Variants in CASR observed in about 807,000 individuals in gnomAD.
CASR encodes calcium sensing receptor.
CASR carries 23 observed loss-of-function variants against 69.1 expected under a neutral mutation model. The ratio of observed to expected loss-of-function variants is 0.33; its 90% confidence interval spans 0.24 to 0.47. CASR has a LOEUF of 0.47. CASR is among the 20% of genes least tolerant of loss of function. The pLI, the probability that CASR is intolerant of heterozygous loss-of-function variation, is 1.00. For missense variants in CASR, 924 were observed against 1,356.1 expected, an observed-to-expected ratio of 0.68 and a Z score of 5.00; for synonymous variants, 541 against 544.7, an observed-to-expected ratio of 0.99 and a Z score of 0.10.
At position 122,264,889 on chromosome 3, in the gene CASR, G is replaced by A. The variant is rs113573323; in HGVS notation, c.1377+2477G>A. 6.0e-4 allele frequency among the ~76,000 whole-genome samples: 91 copies of A among 152,260 alleles called. 1 individual carries two copies. Among genetic ancestry groups the A allele is most frequent in the Non-Finnish European group, 9.7e-4 (66 of 68,018 alleles). ...CATTCTCAATATTAAGATCTATATG[G>A]AAACTTATCACCTATAATCTAATCC... On this transcript the variant is annotated intron_variant, in intron 4 of 6. Coordinates refer to ENST00000639785, the MANE Select transcript of CASR (RefSeq NM_000388.4).
chr3:122,254,360 T>C lies in CASR; in HGVS notation c.171T>C (p.Ser57=), dbSNP rs1417542131. ...AAGATCTCAAATCAAGGCCGGAGTCTGTGGAATGTATCAGGTAAGAAGAGG... is the reference window on the plus strand; with the variant it reads ...AAGATCTCAAATCAAGGCCGGAGTCCGTGGAATGTATCAGGTAAGAAGAGG... ...KDQDLKSRPE[S]VECIRYNFRG... The change falls in exon 2 of 7, where the codon TCT becomes TCC. Residue 57 remains serine (S), a synonymous_variant. Transcript: ENST00000639785. 1 of 1,614,190 alleles carries C rather than the reference T, an allele frequency of 6.2e-7. No homozygotes were observed.
At chr3:122,220,175 A>G (rs1353251605) in intron 1 of CASR, among the ~76,000 whole-genome samples, 1 of 152,244 alleles carries the variant, frequency 6.6e-6, no homozygotes, top group Non-Finnish European at 1.5e-5. Flanking sequence ...TGATCCCAAG[A>G]TAGAGACAAC....
At chr3:122,186,747 G>T (rs1403222531) in intron 1 of CASR, among the ~76,000 whole-genome samples, 1 of 152,206 alleles carries the variant, frequency 6.6e-6, no homozygotes, top group Non-Finnish European at 1.5e-5. Flanking sequence ...GATCTCCCTT[G>T]AGCCAAGATT....
intron 1 of CASR, chr3:122,246,364 G>GCAA (rs2074427581): frequency 6.6e-6 from 1 of 152,118 alleles, no homozygotes; most frequent in Non-Finnish European, 1.5e-5. Flanking sequence ...GAGGAAATCA[G>GCAA]GGTAAAATAT....
intron 1 of CASR, among the ~76,000 whole-genome samples, chr3:122,249,034 G>T (rs1397306018): frequency 6.6e-6 from 1 of 152,226 alleles, no homozygotes; most frequent in East Asian, 1.9e-4. Flanking sequence ...GGAACCATCA[G>T]TCTCGTGGGG....
chr3:122,248,155 T>A (rs1428722415), intron 1 of CASR, among the ~76,000 whole-genome samples: 2 of 152,136 alleles, frequency 1.3e-5, no homozygotes, highest in Non-Finnish European at 2.9e-5. Context: ...AAGAGGGCCC[T>A]CATTTTAAAA....
Position 122,286,684 on chromosome 3 carries a change from G to C in CASR, c.*1493G>C, listed in dbSNP as rs1438357803. ...TGGCTCATGGTGAGGAAGCCAGAAA[G>C]CTGGTCAGCCCCTCAGGTGGCCCAA... On this transcript the variant is annotated 3_prime_UTR_variant, in exon 7 of 7. Coordinates refer to ENST00000639785, the MANE Select transcript of CASR (RefSeq NM_000388.4). 6.6e-6 allele frequency: 1 copy of C among 152,254 alleles called. No individual in the cohort carries two copies. Among genetic ancestry groups the C allele is most frequent in the Non-Finnish European group, 1.5e-5 (1 of 68,070 alleles). The allele number at this position is 152,254 out of a possible 1,614,324, so 9.4% of individuals were successfully genotyped here.
At chr3:122,252,446 A>AAAGAAAG (rs1171805148) in intron 1 of CASR, among the ~76,000 whole-genome samples, 18 of 98,812 alleles carry the variant, frequency 1.8e-4, no homozygotes, top group African/African-American at 7.4e-4. Context: ...AGAAAGAAAG[A>AAAGAAAG]AAAAAAAGAA....
In CASR at chr3:122,246,739, GT is replaced by G. The variant is rs550458149; in HGVS notation, c.-242-7204del. ...TAGCATACACCACAAGTCAGGTCTT[GT>G]TTTTCTTTTAGAAGCCAGACTACAA... is the stretch of plus-strand genomic sequence containing the variant. On this transcript the variant is annotated intron_variant, in intron 1 of 6. Transcript: ENST00000639785. The G allele has an allele frequency of 1.6e-3, 250 of 152,322 alleles. 1 individual carries two copies. The highest frequency in any genetic ancestry group is 5.8e-3 in the African/African-American group (243 of 41,568). 9.4% of individuals were successfully genotyped at this position (152,322 alleles called of 1,614,324 possible).
At position 122,207,675 on chromosome 3, in the gene CASR, A is replaced by T. The variant is rs142844460; in HGVS notation, c.-243+23863A>T. On this transcript the variant is annotated intron_variant, in intron 1 of 6. Transcript: ENST00000639785. ...ATCTATGGGATACAACAAAAGCAGT[A>T]CTAAGAAGGAGGTTCATAGCAATAA... 7.9e-3 allele frequency among the ~76,000 whole-genome samples: 1,209 copies of T among 152,306 alleles called. 7 individuals carry two copies. Among genetic ancestry groups the T allele is most frequent in the Non-Finnish European group, 0.013 (881 of 68,012 alleles).
At chr3:122,212,416 G>A (rs1283105497) in intron 1 of CASR, among the ~76,000 whole-genome samples, 1 of 152,118 alleles carries the variant, frequency 6.6e-6, no homozygotes, top group Non-Finnish European at 1.5e-5. Context: ...GGAAGTTGGG[G>A]TCAGGGAGCA....
chr3:122,274,579 T>C (rs1165422747), intron 4 of CASR, among the ~76,000 whole-genome samples: 1 of 152,134 alleles, frequency 6.6e-6, no homozygotes, highest in African/African-American at 2.4e-5. Flanking sequence ...CAGTGTGAGA[T>C]TAGACGTTGG....
chr3:122,188,988 T>A (rs984636473), intron 1 of CASR, among the ~76,000 whole-genome samples: 69 of 152,354 alleles, frequency 4.5e-4, no homozygotes, highest in African/African-American at 1.6e-3. Flanking sequence ...TATTACTGTT[T>A]CCACCAAAGG....
chr3:122,193,506 C>T (rs931471659), intron 1 of CASR, among the ~76,000 whole-genome samples: 7 of 152,226 alleles, frequency 4.6e-5, no homozygotes, highest in Admixed American at 3.9e-4. Context: ...CATGAGCCAC[C>T]ATACCCGGCC....
At chr3:122,229,439 T>C (rs1293346663) in intron 1 of CASR, among the ~76,000 whole-genome samples, 1 of 152,294 alleles carries the variant, frequency 6.6e-6, no homozygotes, top group African/African-American at 2.4e-5. Context: ...GTGAGTTAGA[T>C]GACTTCTAAT....
intron 1 of CASR, among the ~76,000 whole-genome samples, chr3:122,253,690 G>A (rs1202218984): frequency 1.3e-5 from 2 of 152,218 alleles, no homozygotes; most frequent in African/African-American, 4.8e-5. Context: ...ATCAGCACCA[G>A]CAGAGGTCTT....
chr3:122,205,150 G>T (rs7614103), intron 1 of CASR, among the ~76,000 whole-genome samples: 74,010 of 151,804 alleles, frequency 0.49, 18,957 homozygotes, highest in African/African-American at 0.59. Flanking sequence ...AAAAATCCTT[G>T]CCCAGACCAA....
chr3:122,237,577 G>T (rs1404259810), intron 1 of CASR, among the ~76,000 whole-genome samples: 2 of 152,212 alleles, frequency 1.3e-5, no homozygotes, highest in African/African-American at 4.8e-5. Flanking sequence ...TAAAATCATG[G>T]ATTATAGTAA....
chr3:122,290,235 A>G lies in CASR; in HGVS notation c.*5044A>G, dbSNP rs2075001495. ...ACAAATAAAAGCAGCAAACTCTGTGACTGAAGTTTCAGCACATGGATGGCA... is the reference window on the plus strand; with the variant it reads ...ACAAATAAAAGCAGCAAACTCTGTGGCTGAAGTTTCAGCACATGGATGGCA... On this transcript the variant is annotated 3_prime_UTR_variant, in exon 7 of 7. Coordinates refer to ENST00000639785, the MANE Select transcript of CASR (RefSeq NM_000388.4). 6.6e-6 allele frequency: 1 copy of G among 152,230 alleles called. No individual in the cohort carries two copies. Among genetic ancestry groups the G allele is most frequent in the Non-Finnish European group, 1.5e-5 (1 of 68,038 alleles). 9.4% of individuals were successfully genotyped at this position (152,230 alleles called of 1,614,324 possible).
Sources: gnomAD v4.1 joint callset for allele counts (sites outside exome capture counted in the v4.1 genomes callset) on GRCh38, gnomAD v4.1.1 for gene constraint, MANE v1.5 for transcripts, NCBI Gene and HGNC (gene_info 2026-07-23, HGNC 2026-07-21) for gene names.